PCDHGC3: variants seen among roughly 807,000 people sequenced by gnomAD.
PCDHGC3 encodes protocadherin gamma subfamily C, 3.
Under a neutral mutation model 59.2 loss-of-function variants are expected in PCDHGC3, and 26 were observed. The ratio of observed to expected loss-of-function variants is 0.44; its 90% confidence interval spans 0.32 to 0.61. The LOEUF is 0.61. Among genes scored for constraint, PCDHGC3 ranks in the 20% least tolerant of loss-of-function variants. The pLI, the probability that PCDHGC3 is intolerant of heterozygous loss-of-function variation, is 0.05. For missense variants in PCDHGC3, 1,080 were observed against 1,221.8 expected (o/e 0.88, Z 1.73); for synonymous variants, 487 against 519.7 (o/e 0.94, Z 0.86).
Position 141,485,465 on chromosome 5 carries a change from C to T in PCDHGC3, c.2430+6919C>T. ...AATCGACCGAGAGGCACTGTGTGGG[C>T]TCAGTGCCAGCTGCATCGTGCCCCT... On this transcript the variant is annotated intron_variant, in intron 1 of 3. Coordinates refer to ENST00000308177, the MANE Select transcript of PCDHGC3 (RefSeq NM_002588.4). This position sits in a 1 kb window ranked among gnomAD's most constrained non-coding sequence, Gnocchi z 5.7. 6.2e-7 allele frequency: 1 copy of T among 1,614,162 alleles called. No homozygotes were observed.
At position 141,476,580 on chromosome 5, in the gene PCDHGC3, C is replaced by T. The variant is rs1463314107; in HGVS notation, c.464C>T (p.Pro155Leu). 6 of 1,614,126 alleles carry T rather than the reference C, an allele frequency of 3.7e-6. No homozygotes were observed. Among genetic ancestry groups the T allele is most frequent in the Non-Finnish European group, 5.1e-6 (6 of 1,180,052 alleles). The part of the protein sequence containing the change: ...SEAVAPGTRF[P>L]LESAHDPDVG... The stretch of plus-strand genomic sequence containing the variant: ...GCCGTGGCTCCGGGGACGCGCTTTC[C>T]GCTCGAGAGCGCGCACGATCCCGAT... Residue 155 changes from proline to leucine, a missense_variant, in exon 1 of 4, where the codon CCG becomes CTG. By Grantham distance (98) the Pro-to-Leu change is moderately conservative (BLOSUM62 -3). Transcript: ENST00000308177. This position sits in a 1 kb window ranked among gnomAD's most constrained non-coding sequence, Gnocchi z 7.6.
chr5:141,477,747 C>A lies in PCDHGC3; in HGVS notation c.1631C>A (p.Thr544Asn). ...ELTAHISDGG[T>N]PVLATNISVN... ...ACAGCTCATATCAGCGATGGGGGCA[C>A]CCCGGTCCTAGCCACCAACATCAGC... The change falls in exon 1 of 4, where the codon ACC (threonine) becomes AAC (asparagine). Residue 544 changes from threonine (T) to asparagine (N), a missense_variant. Thr to Asn is a moderately conservative substitution (Grantham distance 65, BLOSUM62 0). Coordinates refer to ENST00000308177, the MANE Select transcript of PCDHGC3 (RefSeq NM_002588.4). The surrounding 1 kb of genome is among the most constrained non-coding windows in gnomAD (Gnocchi z 4.9). 1.9e-6 allele frequency: 3 copies of A among 1,613,840 alleles called. No individual in the cohort carries two copies. The highest frequency in any genetic ancestry group is 2.5e-6 in the Non-Finnish European group (3 of 1,180,044).
In PCDHGC3 at chr5:141,485,145, A is replaced by G. The variant is rs766014792; in HGVS notation, c.2430+6599A>G. On this transcript the variant is annotated intron_variant, in intron 1 of 3. Coordinates refer to ENST00000308177, the MANE Select transcript of PCDHGC3 (RefSeq NM_002588.4). The surrounding 1 kb of genome is among the most constrained non-coding windows in gnomAD (Gnocchi z 5.7). Reference sequence around the variant, plus strand: ...GGGTCGGCTTCATCCGCGTCTCAGGAGCAAGTAGAGAATTAGCGGGCGGCA... The same window carrying G: ...GGGTCGGCTTCATCCGCGTCTCAGGGGCAAGTAGAGAATTAGCGGGCGGCA... The G allele has an allele frequency of 4.5e-6, 7 of 1,567,410 alleles. No individual in the cohort carries two copies. Among genetic ancestry groups the G allele is most frequent in the Non-Finnish European group, 6.1e-6 (7 of 1,142,014 alleles).
intron 1 of PCDHGC3, among the ~76,000 whole-genome samples, chr5:141,483,010 G>C (rs574078222): frequency 6.6e-6 from 1 of 152,006 alleles, no homozygotes; most frequent in Non-Finnish European, 1.5e-5. Flanking sequence ...GCTTGAACCC[G>C]GGAGGCAGAG....
Position 141,481,023 on chromosome 5 carries a change from A to G in PCDHGC3, c.2430+2477A>G, listed in dbSNP as rs546827260. On this transcript the variant is annotated intron_variant, in intron 1 of 3. Transcript: ENST00000308177. ...CAGTGAGCCCAGATCACACCACTGC[A>G]CTCCAGCCTGGGCGACAGAGCGAGA... Among the ~76,000 whole-genome samples the G allele has an allele frequency of 9.0e-4, 137 of 152,218 alleles. 1 individual carries two copies. The highest frequency in any genetic ancestry group is 3.2e-3 in the African/African-American group (132 of 41,516).
rs567522277 is a variant in PCDHGC3, at chr5:141,485,131, A to G, written c.2430+6585A>G. 1.3e-6 allele frequency: 2 copies of G among 1,482,660 alleles called. No individual in the cohort carries two copies. The highest frequency in any genetic ancestry group is 1.2e-5 in the South Asian group (1 of 83,730). 91.8% of individuals were successfully genotyped at this position (1,482,660 alleles called of 1,614,324 possible). ...TGGCTGTTTGGGGCGGGTCGGCTTC[A>G]TCCGCGTCTCAGGAGCAAGTAGAGA... On this transcript the variant is annotated intron_variant, in intron 1 of 3. Transcript: ENST00000308177. The surrounding 1 kb of genome is among the most constrained non-coding windows in gnomAD (Gnocchi z 5.7).
chr5:141,507,553 C>T (rs1382652977), intron 3 of PCDHGC3, among the ~76,000 whole-genome samples: 4 of 152,192 alleles, frequency 2.6e-5, no homozygotes, highest in Admixed American at 2.0e-4. Flanking sequence ...ATGAAAGTGG[C>T]AGGCGGCTGG....
rs1243112302 is a variant in PCDHGC3, at chr5:141,476,738, C to G, written c.622C>G (p.Pro208Ala). 6.2e-7 allele frequency: 1 copy of G among 1,614,076 alleles called. No homozygotes were observed. Among genetic ancestry groups the G allele is most frequent in the Non-Finnish European group, 8.5e-7 (1 of 1,180,028 alleles). The change falls in exon 1 of 4, where the codon CCT (proline) becomes GCT (alanine). Residue 208 changes from proline (P) to alanine (A), a missense_variant. Transcript: ENST00000308177. This position sits in a 1 kb window ranked among gnomAD's most constrained non-coding sequence, Gnocchi z 7.6. ...GCGCGCCCTGGACCGAGAACGGGAG[C>G]CTAGTCTCCAGTTAGTGCTGACGGC... ...LERALDREREPSLQLVLTALD... is the reference protein window; with the variant it reads ...LERALDREREASLQLVLTALD...
At position 141,478,147 on chromosome 5, in the gene PCDHGC3, C is replaced by T. The variant is rs199689679; in HGVS notation, c.2031C>T (p.Phe677=). Residue 677 remains phenylalanine (F), a synonymous_variant, in exon 1 of 4, where the codon TTC becomes TTT. Transcript: ENST00000308177. The stretch of plus-strand genomic sequence containing the variant: ...ACTCTCCTGAAGCCCGAGCCGAGTT[C>T]CCCTCTGGCTCTGCCCCCCGGGAGC... ...TEDSPEARAE[F]PSGSAPREQK... is the part of the protein sequence containing the mutation. The T allele has an allele frequency of 2.0e-5, 32 of 1,614,076 alleles. 1 individual carries two copies. In the East Asian group the frequency reaches 5.3e-4, roughly 27 times the overall value.
Position 141,485,746 on chromosome 5 carries a change from C to T in PCDHGC3, c.2430+7200C>T, listed in dbSNP as rs1297635523. ...AGAAGCGCAGCGACGGCAGCCTGGT[C>T]CCAGAGCTGCTCCTGGAGAAGCCTT... On this transcript the variant is annotated intron_variant, in intron 1 of 3. Coordinates refer to ENST00000308177, the MANE Select transcript of PCDHGC3 (RefSeq NM_002588.4). The surrounding 1 kb of genome is among the most constrained non-coding windows in gnomAD (Gnocchi z 5.7). 6.2e-7 allele frequency: 1 copy of T among 1,614,128 alleles called. No individual in the cohort carries two copies. The highest frequency in any genetic ancestry group is 2.2e-5 in the East Asian group (1 of 44,880).
At chr5:141,495,974 CTCTT>C (rs1562171251) in intron 2 of PCDHGC3, among the ~76,000 whole-genome samples, 2 of 152,032 alleles carry the variant, frequency 1.3e-5, no homozygotes, top group Non-Finnish European at 1.5e-5. Context: ...TTCTCTGTTA[CTCTT>C]TCTTTATCTC....
rs148675327 is a variant in PCDHGC3 at position 141,477,019 on chromosome 5, C to A, written c.903C>A (p.Thr301=). The change falls in exon 1 of 4, where the codon ACC becomes ACA. Residue 301 remains threonine, a synonymous_variant. Coordinates refer to ENST00000308177, the MANE Select transcript of PCDHGC3 (RefSeq NM_002588.4). The surrounding 1 kb of genome is among the most constrained non-coding windows in gnomAD (Gnocchi z 4.9). ...VRQLFALDLV[T]GMLTIKGRLD... ...AACTATTCGCCTTAGACCTTGTAAC[C>A]GGGATGCTGACAATCAAGGGTCGGC... The A allele has an allele frequency of 1.7e-5, 28 of 1,614,124 alleles. No individual in the cohort carries two copies. The African/African-American group carries it at 2.5e-4, about 15-fold the overall frequency.
chr5:141,480,429 T>C (rs72790066), intron 1 of PCDHGC3, among the ~76,000 whole-genome samples: 4 of 151,864 alleles, frequency 2.6e-5, no homozygotes, highest in African/African-American at 9.7e-5. Flanking sequence ...AAAAAAATTA[T>C]CAGCTATTAC....
chr5:141,501,290 T>TACACAC lies in PCDHGC3; in HGVS notation c.2490-4064_2490-4059dup, dbSNP rs55762287. Among the ~76,000 whole-genome samples the TACACAC allele has an allele frequency of 5.7e-3, 774 of 136,224 alleles. 5 individuals are homozygous for TACACAC. The highest frequency in any genetic ancestry group is 9.9e-3 in the African/African-American group (361 of 36,504). The allele number at this position is 136,224 out of a possible 152,430, so 89.4% of individuals were successfully genotyped here. A position where few individuals can be genotyped will look rare whatever the true frequency, so the allele number is the denominator to read the frequency against. ...GTCCAGTCTATGGGATATTCCCTTA[T>TACACAC]ACACACACACACACACACACACACA... On this transcript the variant is annotated intron_variant, in intron 2 of 3. Transcript: ENST00000308177.
In PCDHGC3 at chr5:141,477,028, G is replaced by A. The variant is rs1015508317; in HGVS notation, c.912G>A (p.Leu304=). Residue 304 remains leucine, a synonymous_variant, in exon 1 of 4, where the codon CTG becomes CTA. Coordinates refer to ENST00000308177, the MANE Select transcript of PCDHGC3 (RefSeq NM_002588.4). The surrounding 1 kb of genome is among the most constrained non-coding windows in gnomAD (Gnocchi z 4.9). ...CCTTAGACCTTGTAACCGGGATGCT[G>A]ACAATCAAGGGTCGGCTGGACTTCG... ...LFALDLVTGM[L]TIKGRLDFED... The A allele has an allele frequency of 2.5e-6, 4 of 1,614,146 alleles. No homozygotes were observed. The highest frequency in any genetic ancestry group is 1.7e-5 in the Admixed American group (1 of 60,018).
At chr5:141,494,783 C>G (rs2099756910) in intron 1 of PCDHGC3, 24 bp from the exon 2 acceptor site, 2 of 1,613,964 alleles carry the variant, frequency 1.2e-6, no homozygotes, top group Admixed American at 3.3e-5. Context: ...GTACTCAGCC[C>G]CTTTCCCTCT....
rs1464357405 is a variant in PCDHGC3 at position 141,476,385 on chromosome 5, A to G, written c.269A>G (p.Asp90Gly). The change falls in exon 1 of 4, where the codon GAC becomes GGC. Residue 90 changes from aspartate (D) to glycine (G), a missense_variant. Coordinates refer to ENST00000308177, the MANE Select transcript of PCDHGC3 (RefSeq NM_002588.4). The surrounding 1 kb of genome is among the most constrained non-coding windows in gnomAD (Gnocchi z 7.6). ...NRETGEMFVN[D>G]RLDREELCGT... ...GAGACCGGAGAGATGTTTGTGAACG[A>G]CCGTCTGGATCGAGAGGAGCTGTGT... The G allele has an allele frequency of 4.3e-6, 7 of 1,614,062 alleles. No homozygotes were observed. The highest frequency in any genetic ancestry group is 5.9e-6 in the Non-Finnish European group (7 of 1,180,020).
chr5:141,479,752 T>C (rs770200359), intron 1 of PCDHGC3: 4 of 152,236 alleles, frequency 2.6e-5, no homozygotes, highest in Non-Finnish European at 4.4e-5. Context: ...ATGTGAAAGG[T>C]AGATAAATTC....
chr5:141,482,099 A>AG (rs1423781570), intron 1 of PCDHGC3, among the ~76,000 whole-genome samples: 1 of 151,852 alleles, frequency 6.6e-6, no homozygotes, highest in African/African-American at 2.4e-5. Flanking sequence ...CAAAAAAAAA[A>AG]AAAAAATATC....
Sources: allele counts gnomAD v4.1 joint callset (sites outside exome capture counted in the v4.1 genomes callset), GRCh38; gene constraint gnomAD v4.1.1; non-coding constraint Gnocchi (gnomAD v3.1); transcripts MANE v1.5; gene names NCBI Gene and HGNC (gene_info 2026-07-23, HGNC 2026-07-21).